KARS1: variants seen among roughly 807,000 people sequenced by gnomAD.
The protein encoded by KARS1 is lysine--tRNA ligase.
In KARS1, 50 loss-of-function variants were observed where a neutral mutation model predicts 63.9. The observed-to-expected ratio is 0.78, with a 90% confidence interval of 0.62 to 0.99. The LOEUF is 0.99. Ranked by LOEUF, KARS1 falls within the 50% of genes least tolerant of loss-of-function variation. KARS1 has a pLI of 0.00. For missense variants in KARS1, 816 were observed against 754.5 expected, an observed-to-expected ratio of 1.08 and a Z score of -0.95; for synonymous variants, 320 against 264.6, an observed-to-expected ratio of 1.21 and a Z score of -2.03.
chr16:75,643,504 A>G (rs1461458582), intron 1 of KARS1, among the ~76,000 whole-genome samples: 1 of 151,490 alleles, frequency 6.6e-6, no homozygotes, highest in African/African-American at 2.4e-5. Flanking sequence ...CAGCCTCCGG[A>G]GTAGCTGGGA....
At position 75,640,304 on chromosome 16, in the gene KARS1, T is replaced by G. The variant is rs369759907; in HGVS notation, c.268A>C (p.Asn90His). ...TTGTGTGGGTATGGGTCTTCCCCATTGACCTTCAGCTGATGAATTGCTTGA... is the reference window on the plus strand; with the variant it reads ...TTGTGTGGGTATGGGTCTTCCCCATGGACCTTCAGCTGATGAATTGCTTGA... ...RSQAIHQLKV[N>H]GEDPYPHKFH... Residue 90 changes from asparagine to histidine, a missense_variant, in exon 3 of 14, where the codon AAT becomes CAT. Asn to His is a moderately conservative substitution (Grantham distance 68, BLOSUM62 1). Coordinates refer to ENST00000302445, the MANE Select transcript of KARS1 (RefSeq NM_005548.3). 18 of 1,613,344 alleles carry G rather than the reference T, an allele frequency of 1.1e-5. No individual in the cohort carries two copies. Among genetic ancestry groups the G allele is most frequent in the Non-Finnish European group, 1.4e-5 (17 of 1,179,908 alleles).
At chr16:75,639,403 C>G (rs1370502473) in intron 3 of KARS1, among the ~76,000 whole-genome samples, 1 of 151,666 alleles carries the variant, frequency 6.6e-6, no homozygotes, top group Non-Finnish European at 1.5e-5. Context: ...GAAGCCCCAT[C>G]TCTACTAAAA....
Position 75,636,476 on chromosome 16 carries a change from A to G in KARS1, c.460T>C (p.Leu154=). The G allele has an allele frequency of 6.2e-7, 1 of 1,612,966 alleles. No individual in the cohort carries two copies. The highest frequency in any genetic ancestry group is 8.5e-7 in the Non-Finnish European group (1 of 1,178,994). The part of the protein sequence containing the change: ...FYDLRGEGVK[L]QVMANSRNYK... ...TACCTGGAATTGGCCATGACTTGCA[A>G]CTTCACCCCCTCTCCTCGAAGATCA... The change falls in exon 4 of 14, where the codon TTG becomes CTG. Residue 154 remains leucine, a synonymous_variant. Coordinates refer to ENST00000302445, the MANE Select transcript of KARS1 (RefSeq NM_005548.3).
chr16:75,645,562 T>C (rs773993815), intron 1 of KARS1, among the ~76,000 whole-genome samples: 2 of 152,192 alleles, frequency 1.3e-5, no homozygotes, highest in African/African-American at 2.4e-5. Flanking sequence ...GAAAAGTCAG[T>C]GAAGCAGGGA....
chr16:75,639,171 A>C (rs920340251), intron 3 of KARS1, among the ~76,000 whole-genome samples: 2 of 152,220 alleles, frequency 1.3e-5, no homozygotes, highest in Non-Finnish European at 2.9e-5. Flanking sequence ...TTCGCCTCAA[A>C]AAAATAAAAA....
chr16:75,644,198 C>T (rs2082255481), intron 1 of KARS1: 1 of 1,282,116 alleles, frequency 7.8e-7, no homozygotes, highest in African/African-American at 1.5e-5. Context: ...AGTCCAAAGA[C>T]TTAGCCAGAG....
In KARS1 at chr16:75,629,480, A is replaced by AT; in HGVS notation, c.1485dup (p.Cys496MetfsTer6). 2.5e-6 allele frequency: 4 copies of AT among 1,614,212 alleles called. No homozygotes were observed. Among genetic ancestry groups the AT allele is most frequent in the Non-Finnish European group, 3.4e-6 (4 of 1,180,004 alleles). ...TCATTCAGCTCAGTATACGCATTGC[A>AT]TATCTCTTTCTTCATGACAAACAGC... is the stretch of plus-strand genomic sequence containing the variant. On this transcript the variant is annotated frameshift_variant, in exon 12 of 14. Transcript: ENST00000302445. LOFTEE classifies it high-confidence loss of function.
At chr16:75,632,555 G>A (rs1237398217) in intron 7 of KARS1, among the ~76,000 whole-genome samples, 1 of 152,150 alleles carries the variant, frequency 6.6e-6, no homozygotes, top group Non-Finnish European at 1.5e-5. Flanking sequence ...TGGTGAAGGG[G>A]GCCAGTCACA....
chr16:75,639,618 AAAG>A (rs1320745697), intron 3 of KARS1, among the ~76,000 whole-genome samples: 1 of 150,094 alleles, frequency 6.7e-6, no homozygotes, highest in African/African-American at 2.4e-5. Flanking sequence ...ACTGCACTTT[AAAG>A]AAGAAATCTT....
At chr16:75,636,935 C>T (rs541340300) in intron 3 of KARS1, among the ~76,000 whole-genome samples, 10 of 147,864 alleles carry the variant, frequency 6.8e-5, no homozygotes, top group Non-Finnish European at 1.2e-4. Context: ...CCCCCACACC[C>T]GGCCTGCATT....
chr16:75,633,671 C>A (rs931717547), intron 7 of KARS1, among the ~76,000 whole-genome samples: 7 of 152,142 alleles, frequency 4.6e-5, no homozygotes. Flanking sequence ...GCACATGCCA[C>A]CACGCCCAGC....
At chr16:75,639,963 A>G in intron 3 of KARS1, 1 of 575,724 alleles carries the variant, frequency 1.7e-6, no homozygotes, top group Non-Finnish European at 3.1e-6. Context: ...CCTTATAGAG[A>G]AAGCCCCTCT....
chr16:75,638,277 T>A (rs947156079), intron 3 of KARS1, among the ~76,000 whole-genome samples: 8 of 152,148 alleles, frequency 5.3e-5, no homozygotes, highest in Admixed American at 5.2e-4. Flanking sequence ...CGCAGATTTG[T>A]CATATAGGTA....
intron 7 of KARS1, among the ~76,000 whole-genome samples, chr16:75,632,794 G>A (rs1189439538): frequency 6.6e-6 from 1 of 152,144 alleles, no homozygotes; most frequent in African/African-American, 2.4e-5. Flanking sequence ...CAGGATGGTG[G>A]CAGAAATATT....
At chr16:75,643,821 C>A (rs2082251437) in intron 1 of KARS1, among the ~76,000 whole-genome samples, 1 of 152,244 alleles carries the variant, frequency 6.6e-6, no homozygotes, top group Non-Finnish European at 1.5e-5. Flanking sequence ...ATAATTCAGT[C>A]AGTGGACTGC....
rs1375595739 is a variant in KARS1 at position 75,630,473 on chromosome 16, A to G, written c.1374T>C (p.Asn458=). ...GTGGGTGATCACAGATGAATGTAGG[A>G]TTGATGCAAGTCACTTCCAGGAACT... is the stretch of plus-strand genomic sequence containing the variant. ...VGEFLEVTCI[N]PTFICDHPQI... Residue 458 remains asparagine, a synonymous_variant, in exon 11 of 14, where the codon AAT becomes AAC. Transcript: ENST00000302445. The G allele has an allele frequency of 6.2e-7, 1 of 1,612,480 alleles. No individual in the cohort carries two copies. The highest frequency in any genetic ancestry group is 1.3e-5 in the African/African-American group (1 of 75,034).
At chr16:75,642,015 C>G (rs2082230316) in intron 1 of KARS1, among the ~76,000 whole-genome samples, 1 of 151,844 alleles carries the variant, frequency 6.6e-6, no homozygotes, top group East Asian at 1.9e-4. Flanking sequence ...CCAAGATGTA[C>G]CAAGACAAAG....
In KARS1 at chr16:75,636,551, G is replaced by A. The variant is rs867431200; in HGVS notation, c.389-4C>T. The A allele has an allele frequency of 6.3e-7, 1 of 1,575,714 alleles. No homozygotes were observed. Among genetic ancestry groups the A allele is most frequent in the African/African-American group, 1.3e-5 (1 of 74,210 alleles). ...GCTCTTTTGGCATGGATCCTACCTAGAAAAAGAAGAGCAAAAATACTGACT... is the reference window on the plus strand; with the variant it reads ...GCTCTTTTGGCATGGATCCTACCTAAAAAAAGAAGAGCAAAAATACTGACT... On this transcript the variant is annotated splice_polypyrimidine_tract_variant and splice_region_variant and intron_variant, in intron 3 of 13. Coordinates refer to ENST00000302445, the MANE Select transcript of KARS1 (RefSeq NM_005548.3).
At chr16:75,635,482 T>C in intron 6 of KARS1, 198 bp downstream of exon 6, 1 of 655,638 alleles carries the variant, frequency 1.5e-6, no homozygotes, top group South Asian at 1.6e-5. Context: ...CCCTATACCT[T>C]GTCCATTATC....
Sources: gnomAD v4.1 joint callset for allele counts (sites outside exome capture counted in the v4.1 genomes callset) on GRCh38, gnomAD v4.1.1 for gene constraint, MANE v1.5 for transcripts, NCBI Gene and HGNC (gene_info 2026-07-23, HGNC 2026-07-21) for gene names.